The following ICA1L variants were observed in gnomAD, a reference collection of about 807,000 sequenced individuals.
ICA1L encodes islet cell autoantigen 1-like protein.
Under a neutral mutation model 61.3 loss-of-function variants are expected in ICA1L, and 50 were observed. The observed-to-expected ratio is 0.82, with a 90% CI of 0.65 to 1.03. The LOEUF (loss-of-function observed/expected upper bound fraction) is 1.03. Ranked by LOEUF, ICA1L falls within the 50% of genes least tolerant of loss-of-function variation. The pLI is 0.00. For missense variants in ICA1L, 508 were observed against 556.7 expected (o/e 0.91, Z 0.88); for synonymous variants, 161 against 191.3 (o/e 0.84, Z 1.31).
intron 1 of ICA1L, among the ~76,000 whole-genome samples, chr2:202,865,888 A>C (rs1261711370): frequency 6.6e-6 from 1 of 152,144 alleles, no homozygotes; most frequent in Non-Finnish European, 1.5e-5. Flanking sequence ...TAGACTTCCA[A>C]AGTGCTAGGA....
At chr2:202,781,875 G>C (rs1323607442) in intron 12 of ICA1L, among the ~76,000 whole-genome samples, 1 of 152,056 alleles carries the variant, frequency 6.6e-6, no homozygotes, top group African/African-American at 2.4e-5. Context: ...ACTCCTACAC[G>C]CAGTTTTTGA....
In ICA1L at chr2:202,814,727, C is replaced by T. The variant is rs776089508; in HGVS notation, c.841G>A (p.Gly281Ser). ...SEDNKDEQIG[G>S]FLTEQLNKLV... ...TTATTGAGCTGTTCAGTAAGAAAAC[C>T]GCCTATTTGTTCATCTTTATTGTCT... is the stretch of plus-strand genomic sequence containing the variant. Residue 281 changes from glycine (G) to serine (S), a missense_variant, in exon 8 of 13, where the codon GGT (glycine) becomes AGT (serine). Transcript: ENST00000358299. 24 of 1,613,496 alleles carry T rather than the reference C, an allele frequency of 1.5e-5. No homozygotes were observed. The highest frequency in any genetic ancestry group is 1.6e-4 in the Middle Eastern group (1 of 6,084).
chr2:202,840,029 TA>T (rs1451529124), intron 1 of ICA1L, among the ~76,000 whole-genome samples: 1 of 151,214 alleles, frequency 6.6e-6, no homozygotes, highest in Non-Finnish European at 1.5e-5. Context: ...GTATATCCCT[TA>T]ATAAATTATT....
intron 9 of ICA1L, among the ~76,000 whole-genome samples, chr2:202,798,775 G>A (rs72932746): frequency 0.092 from 13,957 of 151,886 alleles, 762 homozygotes; most frequent in Non-Finnish European, 0.13. Context: ...CCTCACTGCC[G>A]CCACCACTCA....
At chr2:202,842,968 C>T (rs1016406146) in intron 1 of ICA1L, among the ~76,000 whole-genome samples, 4 of 152,058 alleles carry the variant, frequency 2.6e-5, no homozygotes, top group African/African-American at 9.7e-5. Flanking sequence ...TTTTCAGCTC[C>T]AGAATTTGAT....
chr2:202,800,246 C>G (rs796291663), intron 9 of ICA1L, among the ~76,000 whole-genome samples: 9 of 152,190 alleles, frequency 5.9e-5, no homozygotes, highest in African/African-American at 2.2e-4. Flanking sequence ...TTCACTTAAA[C>G]TAGAGCTTGA....
In ICA1L at chr2:202,773,549, A is replaced by G; in HGVS notation, c.*5984T>C. On this transcript the variant is annotated 3_prime_UTR_variant, in exon 13 of 13. Coordinates refer to ENST00000358299, the MANE Select transcript of ICA1L (RefSeq NM_001288622.3). The stretch of plus-strand genomic sequence containing the variant: ...AGAGCCTTCAAAAAACACGGGCAGA[A>G]CAAGAGTACAATAAAAGAAGCGTCT... 2 of 418,016 alleles carry G rather than the reference A, an allele frequency of 4.8e-6. No homozygotes were observed. The highest frequency in any genetic ancestry group is 8.6e-6 in the Non-Finnish European group (2 of 232,966). 25.9% of individuals were successfully genotyped at this position (418,016 alleles called of 1,614,324 possible).
chr2:202,774,517 C>A lies in ICA1L; in HGVS notation c.*5016G>T. On this transcript the variant is annotated 3_prime_UTR_variant, in exon 13 of 13. Transcript: ENST00000358299. Reference sequence around the variant, plus strand: ...GGTTATGGTCAGTGAGGTTTAGCCACAAGAGATATCACAGGAGAGACACAG... The same window carrying A: ...GGTTATGGTCAGTGAGGTTTAGCCAAAAGAGATATCACAGGAGAGACACAG... 1 of 424,866 alleles carries A rather than the reference C, an allele frequency of 2.4e-6. No individual in the cohort carries two copies. Among genetic ancestry groups the A allele is most frequent in the Non-Finnish European group, 4.1e-6 (1 of 241,952 alleles). The allele number at this position is 424,866 out of a possible 1,614,324, so 26.3% of individuals were successfully genotyped here. A position where few individuals can be genotyped will look rare whatever the true frequency, so the allele number is the denominator to read the frequency against.
intron 7 of ICA1L, 114 bp from the exon 8 acceptor site, chr2:202,814,898 T>C (rs983652088): frequency 1.4e-5 from 10 of 719,564 alleles, no homozygotes; most frequent in Non-Finnish European, 2.4e-5. Flanking sequence ...AGTTCTGAAC[T>C]AGAGAGTGAA....
chr2:202,837,886 T>C (rs1434624675), intron 1 of ICA1L, among the ~76,000 whole-genome samples: 1 of 152,102 alleles, frequency 6.6e-6, no homozygotes, highest in East Asian at 1.9e-4. Flanking sequence ...GGAGTTTCAC[T>C]CTTGTTGCTC....
intron 1 of ICA1L, among the ~76,000 whole-genome samples, chr2:202,853,738 CAG>C (rs1694695598): frequency 6.6e-6 from 1 of 151,986 alleles, no homozygotes; most frequent in Non-Finnish European, 1.5e-5. Flanking sequence ...ATGCAGCCAA[CAG>C]ACACGTGAAA....
chr2:202,846,571 G>A (rs1215283296), intron 1 of ICA1L, among the ~76,000 whole-genome samples: 2 of 152,112 alleles, frequency 1.3e-5, no homozygotes, highest in Non-Finnish European at 2.9e-5. Context: ...TCTCAAGGCA[G>A]GTCAAAGGAG....
intron 1 of ICA1L, among the ~76,000 whole-genome samples, chr2:202,845,139 C>T (rs1694432669): frequency 6.6e-6 from 1 of 152,064 alleles, no homozygotes; most frequent in African/African-American, 2.4e-5. Flanking sequence ...GGATAATATC[C>T]CCATCTCAAT....
rs1553536788 is a variant in ICA1L at position 202,836,798 on chromosome 2, T to TATATATATAGATATATAGATATATAG, written c.-7-7783_-7-7782insCTATATATCTATATATCTATATATAT. ...CAATTTGTTAGTGTGTGTATATCTA[T>TATATATATAGATATATAGATATATAG]ATATATAGATATATATAGATATATA... On this transcript the variant is annotated intron_variant, in intron 1 of 12. Coordinates refer to ENST00000358299, the MANE Select transcript of ICA1L (RefSeq NM_001288622.3). Among the ~76,000 whole-genome samples, 10 of 147,782 alleles carry TATATATATAGATATATAGATATATAG rather than the reference T, an allele frequency of 6.8e-5. No individual in the cohort carries two copies. The East Asian group carries it at 1.6e-3, about 23-fold the overall frequency.
intron 12 of ICA1L, among the ~76,000 whole-genome samples, chr2:202,784,862 G>T (rs1692530463): frequency 6.6e-6 from 1 of 152,130 alleles, no homozygotes; most frequent in African/African-American, 2.4e-5. Context: ...AGATAAAAAA[G>T]TTCTGAAGAT....
chr2:202,867,530 T>C (rs1413157560), intron 1 of ICA1L, among the ~76,000 whole-genome samples: 1 of 152,224 alleles, frequency 6.6e-6, no homozygotes, highest in Non-Finnish European at 1.5e-5. Flanking sequence ...GCTATTACAA[T>C]CTTATGTGAC....
Position 202,775,240 on chromosome 2 carries a change from T to C in ICA1L, c.*4293A>G, listed in dbSNP as rs1445219591. The C allele has an allele frequency of 6.6e-6, 1 of 152,240 alleles. No individual in the cohort carries two copies. The highest frequency in any genetic ancestry group is 1.5e-5 in the Non-Finnish European group (1 of 68,048). 9.4% of individuals were successfully genotyped at this position (152,240 alleles called of 1,614,324 possible). ...CTTCCTAATTTCTATATTCCAAAAT[T>C]CTGGGACTGCTTCATTGCTCAAGGT... On this transcript the variant is annotated 3_prime_UTR_variant, in exon 13 of 13. Coordinates refer to ENST00000358299, the MANE Select transcript of ICA1L (RefSeq NM_001288622.3).
At chr2:202,859,042 T>G (rs139140313) in intron 1 of ICA1L, among the ~76,000 whole-genome samples, 77 of 152,294 alleles carry the variant, frequency 5.1e-4, no homozygotes, top group African/African-American at 1.8e-3. Context: ...TCAGAAATGG[T>G]TTTTGGCTCT....
At chr2:202,871,592 G>T (rs1424924625) in intron 1 of ICA1L, 27 bp downstream of exon 1, 1 of 152,100 alleles carries the variant, frequency 6.6e-6, no homozygotes, top group Non-Finnish European at 1.5e-5. Flanking sequence ...GGGGAATAGG[G>T]GCGGACAGGA....
Sources: allele counts gnomAD v4.1 joint callset (sites outside exome capture counted in the v4.1 genomes callset), GRCh38; gene constraint gnomAD v4.1.1; transcripts MANE v1.5; gene names NCBI Gene and HGNC (gene_info 2026-07-23, HGNC 2026-07-21).